Variants in FABP3 observed in about 807,000 individuals in gnomAD.
FABP3 encodes the protein fatty acid-binding protein, heart.
A neutral mutation model predicts 13.4 loss-of-function variants in FABP3; 8 were observed. The observed-to-expected ratio is 0.60, with a 90% confidence interval of 0.35 to 1.07. The LOEUF (loss-of-function observed/expected upper bound fraction) is 1.07, where lower values mean the gene tolerates loss of function less well. FABP3 is among the 50% of genes least tolerant of loss of function. FABP3 has a pLI of 0.02. For synonymous variants in FABP3, 64 were observed against 60.0 expected (o/e 1.07, Z -0.31); for missense variants, 135 against 164.7 (o/e 0.82, Z 0.99).
chr1:31,362,225 G>A (rs574757524), downstream of FABP3, among the ~76,000 whole-genome samples: 1 of 152,300 alleles, frequency 6.6e-6, no homozygotes, highest in South Asian at 2.1e-4. Flanking sequence ...TCAGGTCCAG[G>A]TCTATCTAAC....
downstream of FABP3, among the ~76,000 whole-genome samples, chr1:31,363,182 CTTTTTTTTT>C (rs374893533): frequency 7.4e-6 from 1 of 135,644 alleles, no homozygotes; most frequent in African/African-American, 2.8e-5. Flanking sequence ...ATGTCTTATA[CTTTTTTTTT>C]TTTTTTTTTT....
At position 31,369,379 on chromosome 1, in the gene FABP3, A is replaced by G; in HGVS notation, c.246+6T>C. ...TCCATTCCCCACCCCTGTTTCCCTG[A>G]CTTACCTTGACCTTCCTGTCATCTG... On this transcript the variant is annotated splice_donor_region_variant and intron_variant, in intron 2 of 3. Coordinates refer to ENST00000373713, the MANE Select transcript of FABP3 (RefSeq NM_004102.5). 6.2e-7 allele frequency: 1 copy of G among 1,613,646 alleles called. No homozygotes were observed. Among genetic ancestry groups the G allele is most frequent in the Non-Finnish European group, 8.5e-7 (1 of 1,179,720 alleles).
downstream of FABP3, chr1:31,364,100 T>C: frequency 6.2e-7 from 1 of 1,613,796 alleles, no homozygotes; most frequent in South Asian, 1.1e-5. Context: ...CTGAGAGTGA[T>C]ACAGGCAAGA....
At position 31,365,936 on chromosome 1, in the gene FABP3, G is replaced by A; in HGVS notation, c.352C>T (p.Leu118Phe). 1.9e-6 allele frequency: 3 copies of A among 1,613,982 alleles called. No individual in the cohort carries two copies. Among genetic ancestry groups the A allele is most frequent in the South Asian group, 1.1e-5 (1 of 91,066 alleles). Residue 118 changes from leucine (L) to phenylalanine (F), a missense_variant, in exon 4 of 4, where the codon CTC (leucine) becomes TTC (phenylalanine). Leu to Phe is a conservative substitution (Grantham distance 22). Transcript: ENST00000373713. ...GTGCAAACTGCAGTGCCGTGGGTGA[G>A]TGTCTGGAAGGAAAGACAGAGTGAG... ...ELIDGKLILT[L>F]THGTAVCTRT... is the part of the protein sequence containing the mutation.
At chr1:31,367,617 C>G (rs1640136984) in intron 2 of FABP3, 123 bp from the exon 3 acceptor site, 5 of 803,506 alleles carry the variant, frequency 6.2e-6, no homozygotes, top group East Asian at 2.5e-5. Context: ...GGTGTGAGGA[C>G]AAGAGCTCAG....
chr1:31,368,765 C>CA (rs1429127285), intron 2 of FABP3, among the ~76,000 whole-genome samples: 2 of 152,184 alleles, frequency 1.3e-5, no homozygotes, highest in Non-Finnish European at 2.9e-5. Flanking sequence ...GAAGACACTG[C>CA]AAACACATTC....
downstream of FABP3, among the ~76,000 whole-genome samples, chr1:31,363,704 C>G (rs1336314584): frequency 6.6e-6 from 1 of 152,138 alleles, no homozygotes. Flanking sequence ...ATTGCTTGAG[C>G]CCAAGAGGTT....
Position 31,373,069 on chromosome 1 carries a change from C to A in FABP3, c.-55G>T. ...ACAAGAGAGCAGGCGTGCAAGGGCT[C>A]CGACGGCGGCTCCCTGCCCGGGCTG... On this transcript the variant is annotated 5_prime_UTR_variant, in exon 1 of 4. Transcript: ENST00000373713. The A allele has an allele frequency of 1.3e-6, 2 of 1,555,694 alleles. No homozygotes were observed. The highest frequency in any genetic ancestry group is 1.8e-6 in the Non-Finnish European group (2 of 1,129,082).
At chr1:31,370,103 C>CA (rs10645207) in intron 1 of FABP3, among the ~76,000 whole-genome samples, 71,852 of 138,848 alleles carry the variant, frequency 0.52, 21,027 homozygotes, top group African/African-American at 0.8. Context: ...GATTCCACCT[C>CA]AAAAAAAAAA....
At chr1:31,365,065 G>A (rs926082325), downstream of FABP3, 2 of 152,268 alleles carry the variant, frequency 1.3e-5, no homozygotes, top group Non-Finnish European at 2.9e-5. Flanking sequence ...CCCAGCAGAG[G>A]TACAGAGCCA....
At chr1:31,364,107 A>T, downstream of FABP3, 1 of 1,613,908 alleles carries the variant, frequency 6.2e-7, no homozygotes, top group Non-Finnish European at 8.5e-7. Context: ...TGATACAGGC[A>T]AGAGGGCAAG....
intron 2 of FABP3, among the ~76,000 whole-genome samples, chr1:31,368,095 G>A (rs1640142929): frequency 6.6e-6 from 1 of 152,204 alleles, no homozygotes. Context: ...CCCTTGAAGT[G>A]GTTCCTCAGC....
chr1:31,364,532 T>C (rs1640058434), downstream of FABP3: 1 of 288,782 alleles, frequency 3.5e-6, no homozygotes, highest in South Asian at 7.1e-5. Context: ...GAGTCCAGGC[T>C]AGAGCCACAG....
chr1:31,370,847 A>G (rs1326882506), intron 1 of FABP3, among the ~76,000 whole-genome samples: 1 of 152,016 alleles, frequency 6.6e-6, no homozygotes, highest in Non-Finnish European at 1.5e-5. Context: ...TGGTGTGTGT[A>G]AAGTCTCCAA....
intron 1 of FABP3, among the ~76,000 whole-genome samples, chr1:31,370,056 A>G (rs1293365635): frequency 6.9e-6 from 1 of 144,296 alleles, no homozygotes; most frequent in Non-Finnish European, 1.5e-5. Flanking sequence ...GTGAGTCGAG[A>G]TTGTGCCACT....
chr1:31,363,024 T>A (rs776161061), downstream of FABP3, among the ~76,000 whole-genome samples: 1 of 152,192 alleles, frequency 6.6e-6, no homozygotes, highest in African/African-American at 2.4e-5. Context: ...CATACACAGT[T>A]TATATCATGT....
At chr1:31,371,496 A>T (rs1156634786) in intron 1 of FABP3, among the ~76,000 whole-genome samples, 1 of 152,194 alleles carries the variant, frequency 6.6e-6, no homozygotes, top group East Asian at 1.9e-4. Context: ...CTGAGAGCTG[A>T]GGAGGGTATT....
In FABP3 at chr1:31,373,048, G is replaced by A. The variant is rs1318755086; in HGVS notation, c.-34C>T. Reference sequence around the variant, plus strand: ...TGGGCTAGGCTGAGAGAAGCTACAAGAGAGCAGGCGTGCAAGGGCTCCGAC... The same window carrying A: ...TGGGCTAGGCTGAGAGAAGCTACAAAAGAGCAGGCGTGCAAGGGCTCCGAC... On this transcript the variant is annotated 5_prime_UTR_variant, in exon 1 of 4. Coordinates refer to ENST00000373713, the MANE Select transcript of FABP3 (RefSeq NM_004102.5). 2 of 1,608,796 alleles carry A rather than the reference G, an allele frequency of 1.2e-6. No individual in the cohort carries two copies. Among genetic ancestry groups the A allele is most frequent in the Non-Finnish European group, 1.7e-6 (2 of 1,175,634 alleles).
chr1:31,368,287 T>C (rs1487894904), intron 2 of FABP3, among the ~76,000 whole-genome samples: 1 of 152,204 alleles, frequency 6.6e-6, no homozygotes, highest in Non-Finnish European at 1.5e-5. Context: ...ATGAGGCCTG[T>C]CTCTTAGTGT....
Sources: allele counts gnomAD v4.1 joint callset (sites outside exome capture counted in the v4.1 genomes callset), GRCh38; gene constraint gnomAD v4.1.1; transcripts MANE v1.5; gene names NCBI Gene and HGNC (gene_info 2026-07-23, HGNC 2026-07-21).